NCMAP: variants seen among roughly 807,000 people sequenced by gnomAD.
NCMAP encodes non-compact myelin associated protein.
A neutral mutation model predicts 7.8 loss-of-function variants in NCMAP; 8 were observed. The observed-to-expected ratio is 1.02, with a 90% CI of 0.60 to 1.84. The LOEUF (loss-of-function observed/expected upper bound fraction) is 1.84. Among genes scored for constraint, NCMAP ranks in the 40% most tolerant of loss-of-function variants. NCMAP has a pLI of 0.00. For missense variants in NCMAP, 112 were observed against 131.4 expected, an observed-to-expected ratio of 0.85 and a Z score of 0.72; for synonymous variants, 41 against 52.9, an observed-to-expected ratio of 0.78 and a Z score of 0.98.
chr1:24,575,886 A>C (rs1039593234), intron 1 of NCMAP, among the ~76,000 whole-genome samples: 3 of 144,204 alleles, frequency 2.1e-5, no homozygotes, highest in African/African-American at 5.2e-5. Context: ...CGGAGGTTGC[A>C]ATGAGCCGAG....
At chr1:24,564,933 A>T (rs1185410958) in intron 1 of NCMAP, among the ~76,000 whole-genome samples, 1 of 152,220 alleles carries the variant, frequency 6.6e-6, no homozygotes, top group Non-Finnish European at 1.5e-5. Flanking sequence ...CCAATTTGTC[A>T]TTCAAACATG....
chr1:24,587,539 G>T (rs1347146867), intron 1 of NCMAP, among the ~76,000 whole-genome samples: 1 of 151,828 alleles, frequency 6.6e-6, no homozygotes, highest in Admixed American at 6.6e-5. Flanking sequence ...TTTTTTACAG[G>T]GACTCACTCT....
intron 1 of NCMAP, among the ~76,000 whole-genome samples, chr1:24,560,483 A>G (rs1212879924): frequency 6.6e-6 from 1 of 152,186 alleles, no homozygotes; most frequent in South Asian, 2.1e-4. Context: ...TAAAAAACAA[A>G]TGTGGGCCCG....
Position 24,592,812 on chromosome 1 carries a change from G to A in NCMAP, c.-7-2612G>A, listed in dbSNP as rs186368349. On this transcript the variant is annotated intron_variant, in intron 1 of 3. Coordinates refer to ENST00000374392, the MANE Select transcript of NCMAP (RefSeq NM_001010980.5). ...CGGGCGCCTGTAGTCCCAGCTACTC[G>A]TGAGGCTGAGGCAGGAGAATGGCGT... Among the ~76,000 whole-genome samples the A allele has an allele frequency of 5.6e-3, 852 of 152,194 alleles. 12 individuals are homozygous for A. Among genetic ancestry groups the A allele is most frequent in the East Asian group, 0.038 (197 of 5,170 alleles).
chr1:24,570,333 A>T (rs1039076990), intron 1 of NCMAP, among the ~76,000 whole-genome samples: 118 of 150,802 alleles, frequency 7.8e-4, no homozygotes, highest in Middle Eastern at 3.4e-3. Flanking sequence ...ACAAAAAAAA[A>T]TTTTTTTATA....
chr1:24,593,685 G>A (rs1030660594), intron 1 of NCMAP, among the ~76,000 whole-genome samples: 12 of 152,040 alleles, frequency 7.9e-5, no homozygotes, highest in African/African-American at 2.2e-4. Context: ...GTAGATGGCT[G>A]TGTTGAGGCC....
Position 24,576,780 on chromosome 1 carries a change from C to T in NCMAP, c.-7-18644C>T, listed in dbSNP as rs565859844. Among the ~76,000 whole-genome samples the T allele has an allele frequency of 5.8e-4, 88 of 152,168 alleles. 1 individual carries two copies. Among genetic ancestry groups the T allele is most frequent in the South Asian group, 4.2e-4 (2 of 4,816 alleles). On this transcript the variant is annotated intron_variant, in intron 1 of 3. Coordinates refer to ENST00000374392, the MANE Select transcript of NCMAP (RefSeq NM_001010980.5). This position sits in a 1 kb window ranked among gnomAD's most constrained non-coding sequence, Gnocchi z 4.0. ...TCTCTGTTGGAGTTTTCAAGATGGC[C>T]GTGTTAAGTAGGTGAGGTAGTGAGC...
At chr1:24,567,977 C>T (rs374433256) in intron 1 of NCMAP, among the ~76,000 whole-genome samples, 3 of 151,974 alleles carry the variant, frequency 2.0e-5, no homozygotes, top group Non-Finnish European at 4.4e-5. Flanking sequence ...CCGAGGGTTC[C>T]GCGACGCCCT....
At chr1:24,598,279 T>C (rs1449036085) in intron 2 of NCMAP, among the ~76,000 whole-genome samples, 1 of 142,942 alleles carries the variant, frequency 7.0e-6, no homozygotes, top group African/African-American at 2.6e-5. Context: ...AAATCATAAG[T>C]GCCCAGCTGG....
intron 1 of NCMAP, among the ~76,000 whole-genome samples, chr1:24,583,717 GAAAAAAAAAAAA>G (rs71032830): frequency 9.6e-6 from 1 of 104,074 alleles, no homozygotes; most frequent in Non-Finnish European, 1.9e-5. Context: ...CTCCGTCTCA[GAAAAAAAAAAAA>G]AAAAAAAAAG....
chr1:24,564,876 A>T (rs913425090), intron 1 of NCMAP, among the ~76,000 whole-genome samples: 2 of 152,158 alleles, frequency 1.3e-5, no homozygotes, highest in Non-Finnish European at 2.9e-5. Flanking sequence ...TGATGTCACT[A>T]GTAATTTAAA....
At chr1:24,567,691 C>T (rs1013480989) in intron 1 of NCMAP, among the ~76,000 whole-genome samples, 3 of 152,134 alleles carry the variant, frequency 2.0e-5, no homozygotes, top group East Asian at 1.9e-4. Context: ...ATAACTAAGC[C>T]GGAGTTCAAT....
At chr1:24,574,778 G>C (rs1451938770) in intron 1 of NCMAP, among the ~76,000 whole-genome samples, 4 of 150,268 alleles carry the variant, frequency 2.7e-5, no homozygotes, top group Non-Finnish European at 5.9e-5. Flanking sequence ...AGGCACAGTA[G>C]ACAAGGCCCG....
intron 2 of NCMAP, among the ~76,000 whole-genome samples, 178 bp from the exon 3 acceptor site, chr1:24,600,762 A>T (rs546028368): frequency 6.6e-6 from 1 of 152,316 alleles, no homozygotes; most frequent in Admixed American, 6.5e-5. Context: ...AGCTCGGGGC[A>T]GGGGTGCACA....
chr1:24,591,648 G>A (rs1652052155), intron 1 of NCMAP, among the ~76,000 whole-genome samples: 1 of 152,214 alleles, frequency 6.6e-6, no homozygotes, highest in Admixed American at 6.5e-5. Flanking sequence ...CAGGTGTTGG[G>A]AGACAGGAAG....
chr1:24,605,207 A>G (rs1298094990), intron 3 of NCMAP, among the ~76,000 whole-genome samples: 2 of 152,214 alleles, frequency 1.3e-5, no homozygotes, highest in Non-Finnish European at 2.9e-5. Flanking sequence ...TTTTCAGTAC[A>G]TTCTCTTTTC....
At chr1:24,577,401 G>GTTTTTTTTTGTTTTTTTTT (rs1651605073) in intron 1 of NCMAP, among the ~76,000 whole-genome samples, 3 of 39,956 alleles carry the variant, frequency 7.5e-5, no homozygotes, top group African/African-American at 3.2e-4. Context: ...CACTGGCCTT[G>GTTTTTTTTTGTTTTTTTTT]TTTTTTTTTT....
At chr1:24,567,963 T>A (rs1304991638) in intron 1 of NCMAP, among the ~76,000 whole-genome samples, 1 of 151,822 alleles carries the variant, frequency 6.6e-6, no homozygotes, top group Non-Finnish European at 1.5e-5. Flanking sequence ...ATAGAGAGAA[T>A]CGACCGAGGG....
At chr1:24,587,958 T>A (rs1003579049) in intron 1 of NCMAP, among the ~76,000 whole-genome samples, 1 of 151,146 alleles carries the variant, frequency 6.6e-6, no homozygotes, top group Non-Finnish European at 1.5e-5. Context: ...TTTTCTTTTA[T>A]TTTTTTTTAG....
Sources: gnomAD v4.1 joint callset for allele counts (sites outside exome capture counted in the v4.1 genomes callset) on GRCh38, gnomAD v4.1.1 for gene constraint, Gnocchi (gnomAD v3.1) non-coding constraint, MANE v1.5 for transcripts, NCBI Gene and HGNC (gene_info 2026-07-23, HGNC 2026-07-21) for gene names.